SORCS3: variants seen among roughly 807,000 people sequenced by gnomAD.
SORCS3 encodes the protein sortilin related VPS10 domain containing receptor 3.
Under a neutral mutation model 146.3 loss-of-function variants are expected in SORCS3, and 57 were observed. The observed-to-expected ratio is 0.39, with a 90% CI of 0.31 to 0.49. The LOEUF is 0.49. SORCS3 is among the 20% of genes least tolerant of loss of function. SORCS3 has a pLI of 0.92. For synonymous variants in SORCS3, 653 were observed against 618.5 expected, an observed-to-expected ratio of 1.06 and a Z score of -0.83; for missense variants, 1,341 against 1,575.5, an observed-to-expected ratio of 0.85 and a Z score of 2.52.
intron 1 of SORCS3, among the ~76,000 whole-genome samples, chr10:104,749,726 G>A (rs966673141): frequency 2.6e-5 from 4 of 152,158 alleles, no homozygotes; most frequent in Non-Finnish European, 5.9e-5. Flanking sequence ...TGACTCCAAA[G>A]CCAGTGCAAT....
Position 105,245,578 on chromosome 10 carries a change from T to G in SORCS3, c.2905T>G (p.Phe969Val). The change falls in exon 21 of 27, where the codon TTC becomes GTC. Residue 969 changes from phenylalanine (F) to valine (V), a missense_variant. Physicochemically the swap from Phe to Val is conservative, Grantham distance 50. Transcript: ENST00000369701. ...ITLDSSISFTFLAEGTDTITV... is the reference protein window; with the variant it reads ...ITLDSSISFTVLAEGTDTITV... Reference sequence around the variant, plus strand: ...TTTGGACAGCAGCATTTCCTTCACATTCCTTGCAGAAGGAACCGACACCAT... The same window carrying G: ...TTTGGACAGCAGCATTTCCTTCACAGTCCTTGCAGAAGGAACCGACACCAT... 2 of 1,614,158 alleles carry G rather than the reference T, an allele frequency of 1.2e-6. No homozygotes were observed. Among genetic ancestry groups the G allele is most frequent in the Non-Finnish European group, 1.7e-6 (2 of 1,180,012 alleles).
chr10:105,028,891 C>T (rs1284220167), intron 4 of SORCS3, among the ~76,000 whole-genome samples: 1 of 152,150 alleles, frequency 6.6e-6, no homozygotes, highest in Admixed American at 6.5e-5. Context: ...TTCTCAAGAT[C>T]GGTACCTAAG....
intron 1 of SORCS3, among the ~76,000 whole-genome samples, chr10:104,689,842 G>T (rs768669796): frequency 6.6e-6 from 1 of 152,114 alleles, no homozygotes; most frequent in Non-Finnish European, 1.5e-5. Flanking sequence ...ATTCCAGCTC[G>T]GGATTTTCTG....
intron 6 of SORCS3, among the ~76,000 whole-genome samples, chr10:105,092,456 A>G (rs2055716865): frequency 6.6e-6 from 1 of 152,112 alleles, no homozygotes; most frequent in Non-Finnish European, 1.5e-5. Context: ...TTTTCAATCT[A>G]GTAAATTGTC....
chr10:104,700,957 A>G lies in SORCS3; in HGVS notation c.627+59003A>G, dbSNP rs1472221314. ...TCCAGTTAAAGTTATTCATACTGAT[A>G]GAAGACTATTATTGCTTAGCCTTCA... On this transcript the variant is annotated intron_variant, in intron 1 of 26. Transcript: ENST00000369701. Among the ~76,000 whole-genome samples, 86 of 152,228 alleles carry G rather than the reference A, an allele frequency of 5.6e-4. 2 individuals are homozygous for G. The highest frequency in any genetic ancestry group is 5.6e-3 in the Admixed American group (86 of 15,280).
chr10:104,973,871 G>A (rs1243177057), intron 3 of SORCS3, among the ~76,000 whole-genome samples: 4 of 150,500 alleles, frequency 2.7e-5, no homozygotes, highest in Admixed American at 2.0e-4. Context: ...CTTTGAATGC[G>A]TCCCAGAGAT....
chr10:105,153,914 C>CA (rs2056186429), intron 9 of SORCS3, among the ~76,000 whole-genome samples: 2 of 151,434 alleles, frequency 1.3e-5, no homozygotes, highest in Middle Eastern at 3.4e-3. Context: ...ACTAAAAATA[C>CA]AAAAAAATAA....
chr10:105,124,987 G>A (rs2055963060), intron 7 of SORCS3, among the ~76,000 whole-genome samples: 3 of 152,192 alleles, frequency 2.0e-5, no homozygotes. Flanking sequence ...AGGAAGAAAT[G>A]ATCAAAGTGC....
At chr10:104,915,775 A>G in intron 2 of SORCS3, 58 bp from the exon 3 acceptor site, 1 of 1,453,426 alleles carries the variant, frequency 6.9e-7, no homozygotes. Context: ...TTCCCTTTAG[A>G]CATAGCTGCC....
chr10:105,048,032 C>T (rs1020513688), intron 5 of SORCS3, among the ~76,000 whole-genome samples: 2 of 152,094 alleles, frequency 1.3e-5, no homozygotes, highest in Non-Finnish European at 2.9e-5. Context: ...AGTCAGGAAA[C>T]AACAGGTGCT....
At chr10:104,855,074 T>C (rs1222702237) in intron 2 of SORCS3, among the ~76,000 whole-genome samples, 1 of 152,220 alleles carries the variant, frequency 6.6e-6, no homozygotes, top group Non-Finnish European at 1.5e-5. Context: ...GATAAATACA[T>C]ATGAGTGCAG....
intron 1 of SORCS3, among the ~76,000 whole-genome samples, chr10:104,646,122 T>C (rs560694585): frequency 6.6e-6 from 1 of 152,344 alleles, no homozygotes; most frequent in East Asian, 1.9e-4. Context: ...TGGTCATTGT[T>C]GGTCTGAGGG....
intron 8 of SORCS3, among the ~76,000 whole-genome samples, chr10:105,146,692 G>A (rs1371165145): frequency 1.3e-5 from 2 of 152,102 alleles, no homozygotes; most frequent in African/African-American, 4.8e-5. Context: ...TTAAAAGCTG[G>A]TTCTGCCATT....
intron 4 of SORCS3, among the ~76,000 whole-genome samples, chr10:104,995,429 A>T (rs890338160): frequency 6.6e-6 from 1 of 152,084 alleles, no homozygotes; most frequent in African/African-American, 2.4e-5. Flanking sequence ...AAGTACTAGG[A>T]TTACAGGCTT....
chr10:104,731,341 GGCAGAGAT>G (rs1347995795), intron 1 of SORCS3, among the ~76,000 whole-genome samples: 1 of 152,200 alleles, frequency 6.6e-6, no homozygotes, highest in Non-Finnish European at 1.5e-5. Context: ...CCCAGCCCGA[GGCAGAGAT>G]GCAAATTGAT....
intron 1 of SORCS3, among the ~76,000 whole-genome samples, chr10:104,741,985 T>C (rs1487381010): frequency 6.6e-6 from 1 of 152,032 alleles, no homozygotes; most frequent in Admixed American, 6.6e-5. Context: ...GGATTTTCCT[T>C]GTTCTTGGTA....
intron 4 of SORCS3, among the ~76,000 whole-genome samples, chr10:105,020,295 T>C (rs1191251938): frequency 7.2e-5 from 11 of 152,360 alleles, no homozygotes; most frequent in Non-Finnish European, 1.6e-4. Flanking sequence ...TCGTAAATAC[T>C]GACCACATAG....
intron 20 of SORCS3, among the ~76,000 whole-genome samples, chr10:105,242,822 T>C (rs1293230432): frequency 1.6e-5 from 1 of 62,962 alleles, no homozygotes; most frequent in Non-Finnish European, 3.0e-5. Flanking sequence ...TATATTTTTA[T>C]ATATAAATTA....
rs2056317220 is a variant in SORCS3 at position 105,166,777 on chromosome 10, T to C, written c.1810-481T>C. The stretch of plus-strand genomic sequence containing the variant: ...GTGGTGGCTATTTCAATTATTAGTT[T>C]TACCATAGTGGGTAGGAAATTGTCT... On this transcript the variant is annotated intron_variant, in intron 12 of 26. Coordinates refer to ENST00000369701, the MANE Select transcript of SORCS3 (RefSeq NM_014978.3). 3.3e-5 allele frequency among the ~76,000 whole-genome samples: 5 copies of C among 152,164 alleles called. No individual in the cohort carries two copies. In the South Asian group the frequency reaches 1.0e-3, roughly 32 times the overall value.
Sources: gnomAD v4.1 joint callset for allele counts (sites outside exome capture counted in the v4.1 genomes callset) on GRCh38, gnomAD v4.1.1 for gene constraint, MANE v1.5 for transcripts, NCBI Gene and HGNC (gene_info 2026-07-23, HGNC 2026-07-21) for gene names.